Variants in OSBPL6 observed in about 807,000 individuals in gnomAD.
OSBPL6 encodes the protein oxysterol-binding protein-related protein 6.
In OSBPL6, 49 loss-of-function variants were observed where a neutral mutation model predicts 125.8. The ratio of observed to expected loss-of-function variants is 0.39; its 90% CI spans 0.31 to 0.49. OSBPL6 has a LOEUF of 0.49. Ranked by LOEUF, OSBPL6 falls within the 20% of genes least tolerant of loss-of-function variation. The probability of loss-of-function intolerance (pLI) is 0.88; values close to 1 mark genes in which losing one functional copy is unlikely to be tolerated. For synonymous variants in OSBPL6, 394 were observed against 391.8 expected (o/e 1.01, Z -0.07); for missense variants, 986 against 1,135.4 (o/e 0.87, Z 1.89).
chr2:178,300,415 T>C (rs80294774), intron 2 of OSBPL6, among the ~76,000 whole-genome samples: 2,994 of 152,264 alleles, frequency 0.02, 107 homozygotes, highest in East Asian at 0.18. Context: ...GTATCTGCCA[T>C]AGAGAGGGTA....
intron 16 of OSBPL6, 115 bp from the exon 17 acceptor site, chr2:178,382,909 T>C (rs923737523): frequency 6.8e-7 from 1 of 1,472,018 alleles, no homozygotes; most frequent in African/African-American, 1.4e-5. Flanking sequence ...TGAAAAGATA[T>C]AATGAAGACT....
intron 12 of OSBPL6, among the ~76,000 whole-genome samples, chr2:178,354,398 C>T (rs917727562): frequency 6.6e-6 from 1 of 151,778 alleles, no homozygotes; most frequent in Non-Finnish European, 1.5e-5. Flanking sequence ...GAAGATCTAC[C>T]AAGCAAATGG....
At chr2:178,388,948 G>T in intron 20 of OSBPL6, 61 bp from the exon 21 acceptor site, 2 of 1,540,382 alleles carry the variant, frequency 1.3e-6, no homozygotes, top group Non-Finnish European at 8.8e-7. Context: ...CTCATTAGCA[G>T]AAACAGTTAT....
At chr2:178,366,709 T>C (rs1692868443) in intron 13 of OSBPL6, among the ~76,000 whole-genome samples, 1 of 152,236 alleles carries the variant, frequency 6.6e-6, no homozygotes, top group Non-Finnish European at 1.5e-5. Flanking sequence ...TCCACAACAT[T>C]TCACATACCC....
At chr2:178,331,121 G>T (rs991415444) in intron 5 of OSBPL6, among the ~76,000 whole-genome samples, 2 of 152,192 alleles carry the variant, frequency 1.3e-5, no homozygotes, top group Non-Finnish European at 2.9e-5. Context: ...TTCAGGAATT[G>T]TCTGTGGTAT....
intron 1 of OSBPL6, among the ~76,000 whole-genome samples, chr2:178,241,181 T>A (rs12999507): frequency 0.16 from 24,006 of 149,098 alleles, 2,365 homozygotes; most frequent in South Asian, 0.23. Context: ...GCACAGATAT[T>A]TTTTTTTTTT....
In OSBPL6 at chr2:178,333,050, T is replaced by C; in HGVS notation, c.657+9T>C. On this transcript the variant is annotated intron_variant, in intron 8 of 24. Transcript: ENST00000190611. ...CTGTAATGGATGGAAAGGTATGACT[T>C]TGTTCTATAAAAACCAGCCTGAAAA... is the stretch of plus-strand genomic sequence containing the variant. 5 of 1,612,620 alleles carry C rather than the reference T, an allele frequency of 3.1e-6. No homozygotes were observed. The highest frequency in any genetic ancestry group is 4.2e-6 in the Non-Finnish European group (5 of 1,179,414).
chr2:178,258,377 G>A (rs953266489), intron 1 of OSBPL6, among the ~76,000 whole-genome samples: 6 of 152,232 alleles, frequency 3.9e-5, no homozygotes, highest in Middle Eastern at 6.8e-3. Context: ...ATTTACAGGC[G>A]TGAGCCACTG....
Position 178,328,221 on chromosome 2 carries a change from G to A in OSBPL6, c.196-35G>A, listed in dbSNP as rs765230829. ...CTTTAAGTGTGTCATCAGGCACTGAGTAACATGTGATTTGTTTTTCTTCTT... is the reference window on the plus strand; with the variant it reads ...CTTTAAGTGTGTCATCAGGCACTGAATAACATGTGATTTGTTTTTCTTCTT... On this transcript the variant is annotated intron_variant, in intron 4 of 24. Transcript: ENST00000190611. 6 of 1,611,508 alleles carry A rather than the reference G, an allele frequency of 3.7e-6. No individual in the cohort carries two copies. The South Asian group carries it at 4.4e-5, about 12-fold the overall frequency.
At chr2:178,268,170 C>T (rs929789469) in intron 1 of OSBPL6, among the ~76,000 whole-genome samples, 19 of 151,900 alleles carry the variant, frequency 1.3e-4, no homozygotes, top group African/African-American at 4.1e-4. Flanking sequence ...GCAACTCTGC[C>T]TCCCAGGTTC....
chr2:178,309,369 T>C (rs1269980184), intron 3 of OSBPL6, among the ~76,000 whole-genome samples: 1 of 152,228 alleles, frequency 6.6e-6, no homozygotes, highest in Non-Finnish European at 1.5e-5. Flanking sequence ...TAATATATCC[T>C]GGAGGATATA....
chr2:178,394,843 G>C (rs1238180906), intron 24 of OSBPL6, among the ~76,000 whole-genome samples: 1 of 152,120 alleles, frequency 6.6e-6, no homozygotes, highest in Non-Finnish European at 1.5e-5. Context: ...TGGTCTCTCT[G>C]TGGTATGATA....
At chr2:178,294,786 C>T (rs62179167) in intron 2 of OSBPL6, among the ~76,000 whole-genome samples, 19,082 of 146,936 alleles carry the variant, frequency 0.13, 1,412 homozygotes, top group Admixed American at 0.22. Context: ...ATTTTGATTA[C>T]GTACAACATG....
intron 12 of OSBPL6, among the ~76,000 whole-genome samples, chr2:178,360,678 C>CT (rs1396425837): frequency 1.3e-5 from 2 of 152,096 alleles, no homozygotes; most frequent in Non-Finnish European, 2.9e-5. Context: ...ATTGCATGAA[C>CT]TTTTTTGGAA....
At chr2:178,301,375 G>A (rs1471140215) in intron 2 of OSBPL6, among the ~76,000 whole-genome samples, 1 of 152,088 alleles carries the variant, frequency 6.6e-6, no homozygotes, top group Non-Finnish European at 1.5e-5. Flanking sequence ...TATCTGTGTG[G>A]TAGTCTTATT....
At chr2:178,313,443 T>G (rs1461673471) in intron 3 of OSBPL6, among the ~76,000 whole-genome samples, 1 of 152,180 alleles carries the variant, frequency 6.6e-6, no homozygotes, top group Non-Finnish European at 1.5e-5. Flanking sequence ...CTTATATGTA[T>G]CTCCACCAGG....
intron 17 of OSBPL6, among the ~76,000 whole-genome samples, chr2:178,383,571 T>C (rs1694680351): frequency 1.3e-5 from 2 of 152,202 alleles, no homozygotes; most frequent in South Asian, 4.1e-4. Flanking sequence ...TATCAGTTTT[T>C]CCTGAATGTC....
At chr2:178,229,826 T>C (rs566260628) in intron 1 of OSBPL6, among the ~76,000 whole-genome samples, 1 of 152,196 alleles carries the variant, frequency 6.6e-6, no homozygotes, top group East Asian at 1.9e-4. Flanking sequence ...AATGAGACCT[T>C]GTCTCAAAGA....
chr2:178,223,932 T>C (rs1037006156), intron 1 of OSBPL6, among the ~76,000 whole-genome samples: 2 of 152,228 alleles, frequency 1.3e-5, no homozygotes, highest in East Asian at 1.9e-4. Context: ...GACCTTCACA[T>C]CAGGCTGCGG....
Sources: gnomAD v4.1 joint callset for allele counts (sites outside exome capture counted in the v4.1 genomes callset) on GRCh38, gnomAD v4.1.1 for gene constraint, MANE v1.5 for transcripts, NCBI Gene and HGNC (gene_info 2026-07-23, HGNC 2026-07-21) for gene names.